EDIL3: variants seen among roughly 807,000 people sequenced by gnomAD.
The protein encoded by EDIL3 is EGF like and discoidin domains 3, also known as EGF-like repeat and discoidin I-like domain-containing protein 3.
EDIL3 carries 37 observed loss-of-function variants against 67.4 expected under a neutral mutation model. That is an observed-to-expected ratio of 0.55 (90% CI 0.42 to 0.72). The LOEUF (loss-of-function observed/expected upper bound fraction) is 0.72. Ranked by LOEUF, EDIL3 falls within the 30% of genes least tolerant of loss-of-function variation. The pLI is 0.00. For missense variants in EDIL3, 527 were observed against 586.3 expected, an observed-to-expected ratio of 0.90 and a Z score of 1.04; for synonymous variants, 195 against 196.3, an observed-to-expected ratio of 0.99 and a Z score of 0.05.
chr5:84,148,464 T>A (rs1748326389), intron 4 of EDIL3, among the ~76,000 whole-genome samples: 3 of 152,214 alleles, frequency 2.0e-5, no homozygotes, highest in African/African-American at 7.2e-5. Flanking sequence ...TGGTGACATT[T>A]ACTATTTTTT....
At chr5:84,282,424 C>T (rs181603884) in intron 1 of EDIL3, among the ~76,000 whole-genome samples, 7 of 152,080 alleles carry the variant, frequency 4.6e-5, no homozygotes, top group Admixed American at 2.0e-4. Context: ...GAAATTTATC[C>T]GTTTTACCCA....
intron 1 of EDIL3, among the ~76,000 whole-genome samples, chr5:84,346,367 G>A (rs952973399): frequency 4.0e-5 from 6 of 151,872 alleles, no homozygotes; most frequent in African/African-American, 7.3e-5. Flanking sequence ...AGCCAGTGAC[G>A]ATACATGAAA....
chr5:84,073,364 A>C (rs1417234295), intron 6 of EDIL3, among the ~76,000 whole-genome samples: 2 of 152,202 alleles, frequency 1.3e-5, no homozygotes, highest in Non-Finnish European at 2.9e-5. Flanking sequence ...AGGAAGGAGA[A>C]GGAAATAAAG....
intron 10 of EDIL3, among the ~76,000 whole-genome samples, chr5:83,950,609 C>T (rs1000562354): frequency 4.0e-5 from 6 of 151,828 alleles, no homozygotes; most frequent in African/African-American, 1.4e-4. Flanking sequence ...AGTATACTTT[C>T]TAAACTTTCT....
chr5:84,048,471 C>T (rs530010265), intron 9 of EDIL3, among the ~76,000 whole-genome samples: 13 of 151,996 alleles, frequency 8.6e-5, no homozygotes, highest in Admixed American at 3.3e-4. Flanking sequence ...TAGGGTCAGA[C>T]GCAATTTTGA....
chr5:84,132,538 T>TAAA lies in EDIL3; in HGVS notation c.469+4702_469+4703insTTT, dbSNP rs1561440875. On this transcript the variant is annotated intron_variant, in intron 5 of 10. Transcript: ENST00000296591. ...ATATTTTAATATATATTATATATTT[T>TAAA]ATATATAATATATATTTTATATATT... Among the ~76,000 whole-genome samples the TAAA allele has an allele frequency of 8.8e-4, 49 of 55,708 alleles. 1 individual carries two copies. The East Asian group carries it at 0.022, about 25-fold the overall frequency. The allele number at this position is 55,708 out of a possible 152,430, so 36.5% of individuals were successfully genotyped here. A position where few individuals can be genotyped will look rare whatever the true frequency, so the allele number is the denominator to read the frequency against.
intron 4 of EDIL3, among the ~76,000 whole-genome samples, chr5:84,153,130 C>T (rs952539299): frequency 2.0e-5 from 3 of 152,022 alleles, no homozygotes; most frequent in African/African-American, 4.8e-5. Flanking sequence ...ATTATACAAA[C>T]GGGAAAATAA....
At chr5:84,291,760 CTA>C (rs1745927288) in intron 1 of EDIL3, among the ~76,000 whole-genome samples, 1 of 144,194 alleles carries the variant, frequency 6.9e-6, no homozygotes, top group African/African-American at 2.5e-5. Flanking sequence ...ATCTATATAT[CTA>C]TATATCTATA....
chr5:84,377,894 T>C (rs1208020875), intron 1 of EDIL3, among the ~76,000 whole-genome samples: 1 of 152,240 alleles, frequency 6.6e-6, no homozygotes, highest in Admixed American at 6.5e-5. Flanking sequence ...ATTCTTGTAC[T>C]TAAATCCTCC....
intron 3 of EDIL3, among the ~76,000 whole-genome samples, chr5:84,200,122 T>C (rs529980090): frequency 2.6e-4 from 40 of 152,238 alleles, no homozygotes; most frequent in Non-Finnish European, 5.0e-4. Flanking sequence ...ATATGAGTTA[T>C]AGATATTGTA....
At chr5:84,060,740 T>C (rs1746527543) in intron 8 of EDIL3, among the ~76,000 whole-genome samples, 1 of 152,178 alleles carries the variant, frequency 6.6e-6, no homozygotes, top group South Asian at 2.1e-4. Context: ...TTTAAACTAC[T>C]TTTCTGTGAT....
chr5:84,234,792 AAT>A (rs1481315550), intron 2 of EDIL3, among the ~76,000 whole-genome samples: 1 of 152,170 alleles, frequency 6.6e-6, no homozygotes, highest in African/African-American at 2.4e-5. Context: ...GCATGTACCA[AAT>A]ATGTTTTCAA....
At chr5:83,971,717 C>T (rs1744797136) in intron 9 of EDIL3, among the ~76,000 whole-genome samples, 1 of 151,832 alleles carries the variant, frequency 6.6e-6, no homozygotes, top group Non-Finnish European at 1.5e-5. Context: ...AGAGAAGAGT[C>T]CTGGTGTTTG....
intron 1 of EDIL3, among the ~76,000 whole-genome samples, chr5:84,363,279 A>G (rs1747652886): frequency 6.6e-6 from 1 of 151,964 alleles, no homozygotes; most frequent in Admixed American, 6.6e-5. Flanking sequence ...CAACATGGTG[A>G]AACTCTGTCT....
intron 1 of EDIL3, among the ~76,000 whole-genome samples, chr5:84,311,333 T>C (rs951870096): frequency 1.8e-4 from 27 of 149,966 alleles, no homozygotes; most frequent in African/African-American, 6.6e-4. Flanking sequence ...TCTTTTTTTT[T>C]TTTTTTACAT....
At chr5:84,336,651 A>G (rs1746992850) in intron 1 of EDIL3, among the ~76,000 whole-genome samples, 1 of 152,184 alleles carries the variant, frequency 6.6e-6, no homozygotes, top group East Asian at 1.9e-4. Flanking sequence ...GGTAATCCAT[A>G]ATGAATTCAG....
At chr5:84,064,588 C>T (rs923769927) in intron 8 of EDIL3, 112 bp downstream of exon 8, 3 of 1,373,320 alleles carry the variant, frequency 2.2e-6, no homozygotes, top group Non-Finnish European at 2.9e-6. Context: ...ACATTTTTCC[C>T]CAGAAAAAAA....
intron 4 of EDIL3, among the ~76,000 whole-genome samples, chr5:84,138,602 T>A (rs146761824): frequency 1.1e-3 from 169 of 152,330 alleles, no homozygotes; most frequent in African/African-American, 4.0e-3. Flanking sequence ...ATCATTAAAT[T>A]ACTTCTAAAA....
intron 9 of EDIL3, among the ~76,000 whole-genome samples, chr5:84,012,317 T>C (rs1745531573): frequency 6.6e-6 from 1 of 152,170 alleles, no homozygotes; most frequent in African/African-American, 2.4e-5. Flanking sequence ...TTGTTTGATT[T>C]ATAAATAGGA....
Sources: allele counts gnomAD v4.1 joint callset (sites outside exome capture counted in the v4.1 genomes callset), GRCh38; gene constraint gnomAD v4.1.1; transcripts MANE v1.5; gene names NCBI Gene and HGNC (gene_info 2026-07-23, HGNC 2026-07-21).